Variants in MEI1 observed in about 807,000 individuals in gnomAD.
MEI1 encodes the protein meiotic double-stranded break formation protein 1, also known as meiosis inhibitor protein 1.
In MEI1, 103 loss-of-function variants were observed where a neutral mutation model predicts 146.2. The observed-to-expected ratio is 0.70, with a 90% CI of 0.60 to 0.83. The LOEUF (loss-of-function observed/expected upper bound fraction) is 0.83, where lower values mean the gene tolerates loss of function less well. MEI1 is among the 40% of genes least tolerant of loss of function. The pLI is 0.00. For missense variants in MEI1, 1,529 were observed against 1,533.0 expected, an observed-to-expected ratio of 1.00 and a Z score of 0.04; for synonymous variants, 652 against 628.2, an observed-to-expected ratio of 1.04 and a Z score of -0.57.
chr22:41,780,867 A>G (rs9619994), intron 22 of MEI1, among the ~76,000 whole-genome samples: 21,030 of 152,168 alleles, frequency 0.14, 1,807 homozygotes, highest in Middle Eastern at 0.2. Context: ...TTACAGGCGT[A>G]AGCCACTGCG....
chr22:41,725,234 C>T (rs915388573), intron 7 of MEI1, among the ~76,000 whole-genome samples: 2 of 152,122 alleles, frequency 1.3e-5, no homozygotes, highest in Non-Finnish European at 2.9e-5. Context: ...GCCTCAGCCT[C>T]CTGAGTAGTT....
rs919571047 is a variant in MEI1, at chr22:41,776,371, A to G, written c.2710+104A>G. The G allele has an allele frequency of 3.1e-6, 4 of 1,308,244 alleles. No individual in the cohort carries two copies. In the African/African-American group the frequency reaches 4.4e-5, roughly 14 times the overall value. 81.0% of individuals were successfully genotyped at this position (1,308,244 alleles called of 1,614,324 possible). On this transcript the variant is annotated intron_variant, in intron 21 of 30. Transcript: ENST00000401548. ...CTCCAGGAGAGAGAATCAGGGTTTTATCTGAAAAAGAAAGCCAGGCCATTG... is the reference window on the plus strand; with the variant it reads ...CTCCAGGAGAGAGAATCAGGGTTTTGTCTGAAAAAGAAAGCCAGGCCATTG...
intron 7 of MEI1, 72 bp downstream of exon 7, chr22:41,724,145 T>G (rs2071109058): frequency 6.4e-7 from 1 of 1,553,482 alleles, no homozygotes; most frequent in Non-Finnish European, 8.8e-7. Flanking sequence ...GGCCTTGTCT[T>G]CATCTACCAC....
intron 26 of MEI1, among the ~76,000 whole-genome samples, chr22:41,785,642 C>T (rs2075942140): frequency 6.6e-6 from 1 of 151,752 alleles, no homozygotes; most frequent in Non-Finnish European, 1.5e-5. Flanking sequence ...TGGCTCACTG[C>T]AACCTCCGCC....
chr22:41,798,437 G>C (rs984875928), intron 30 of MEI1, among the ~76,000 whole-genome samples: 4 of 152,000 alleles, frequency 2.6e-5, no homozygotes, highest in African/African-American at 9.7e-5. Context: ...AATTAGCTGG[G>C]CGTGGTAGCA....
intron 14 of MEI1, among the ~76,000 whole-genome samples, chr22:41,747,741 A>T (rs943538887): frequency 6.0e-5 from 9 of 149,364 alleles, no homozygotes; most frequent in Non-Finnish European, 7.4e-5. Context: ...CCCCCCAAAA[A>T]AAACAAATAT....
intron 20 of MEI1, chr22:41,774,204 G>A (rs2075328299): frequency 6.6e-6 from 1 of 152,258 alleles, no homozygotes; most frequent in African/African-American, 2.4e-5. Flanking sequence ...AGAGACTACA[G>A]ATTGGGTCAT....
Position 41,781,290 on chromosome 22 carries a change from A to G in MEI1, c.2822A>G (p.Lys941Arg). The change falls in exon 23 of 31, where the codon AAG becomes AGG. Residue 941 changes from lysine (K) to arginine (R), a missense_variant. By Grantham distance (26) the Lys-to-Arg change is conservative. This residue lies in a region of MEI1 where 1,212 missense variants were observed against 1,178.9 expected (regional missense o/e 1.03). Transcript: ENST00000401548. ...GGACTTTCATCTCTTGCAGTAAGCA[A>G]GCTGTGTGGGAAGTGCAGCCCCACT... ...VAMKLLHQVS[K>R]LCGKCSPTDV... 1 of 1,610,982 alleles carries G rather than the reference A, an allele frequency of 6.2e-7. No homozygotes were observed. The highest frequency in any genetic ancestry group is 8.5e-7 in the Non-Finnish European group (1 of 1,178,706).
intron 24 of MEI1, among the ~76,000 whole-genome samples, chr22:41,784,029 A>T (rs2075859506): frequency 6.6e-6 from 1 of 152,092 alleles, no homozygotes; most frequent in African/African-American, 2.4e-5. Flanking sequence ...AGATCTTCTG[A>T]GTTAGGTGTA....
intron 7 of MEI1, among the ~76,000 whole-genome samples, chr22:41,728,209 C>A (rs193261484): frequency 2.9e-4 from 44 of 152,148 alleles, no homozygotes; most frequent in Non-Finnish European, 5.0e-4. Flanking sequence ...GTTCAAGGGT[C>A]AACTGTTCAT....
chr22:41,731,368 A>G (rs140875582), intron 9 of MEI1, among the ~76,000 whole-genome samples: 8,091 of 149,832 alleles, frequency 0.054, 676 homozygotes, highest in African/African-American at 0.19. Flanking sequence ...TCTTTTTTTG[A>G]GACGGAGTCC....
chr22:41,719,929 A>C (rs747070856), intron 6 of MEI1, among the ~76,000 whole-genome samples: 1 of 152,156 alleles, frequency 6.6e-6, no homozygotes, highest in Non-Finnish European at 1.5e-5. Context: ...CTTCTTTTCA[A>C]AATTTGGATC....
chr22:41,722,968 C>A (rs559709140), intron 6 of MEI1, among the ~76,000 whole-genome samples: 47 of 152,142 alleles, frequency 3.1e-4, no homozygotes, highest in African/African-American at 1.1e-3. Context: ...AATTTCTGGA[C>A]TTTTTTTTCC....
intron 20 of MEI1, 84 bp downstream of exon 20, chr22:41,771,045 C>T: frequency 1.4e-6 from 2 of 1,454,444 alleles, no homozygotes; most frequent in Non-Finnish European, 1.9e-6. Flanking sequence ...TCAGGAGGCA[C>T]CCACATCTGC....
At chr22:41,699,989 C>A (rs544190066) in intron 1 of MEI1, among the ~76,000 whole-genome samples, 8 of 152,368 alleles carry the variant, frequency 5.3e-5, no homozygotes, top group African/African-American at 1.9e-4. Flanking sequence ...CTCACCCAGT[C>A]TCAGGGACAC....
At chr22:41,760,951 C>T (rs970124280) in intron 18 of MEI1, among the ~76,000 whole-genome samples, 1 of 139,592 alleles carries the variant, frequency 7.2e-6, no homozygotes, top group Non-Finnish European at 1.5e-5. Flanking sequence ...GCTTTGATTT[C>T]ACTTCTTTGT....
At chr22:41,752,789 C>A in intron 16 of MEI1, 138 bp downstream of exon 16, 1 of 758,956 alleles carries the variant, frequency 1.3e-6, no homozygotes, top group South Asian at 1.5e-5. Flanking sequence ...TGCTCAGCAT[C>A]TGGTGCAATA....
intron 20 of MEI1, among the ~76,000 whole-genome samples, chr22:41,772,845 C>T (rs2075259795): frequency 6.6e-6 from 1 of 152,110 alleles, no homozygotes; most frequent in Admixed American, 6.5e-5. Context: ...AATCCCTGCA[C>T]CACCCCTGAC....
intron 3 of MEI1, among the ~76,000 whole-genome samples, chr22:41,711,183 CT>C (rs929765806): frequency 1.3e-5 from 2 of 149,910 alleles, no homozygotes; most frequent in African/African-American, 2.5e-5. Flanking sequence ...CTTTTTTTTT[CT>C]TTTTTTTTGA....
Sources: gnomAD v4.1 joint callset for allele counts (sites outside exome capture counted in the v4.1 genomes callset) on GRCh38, gnomAD v4.1.1 for gene constraint, gnomAD v4.1.1 regional missense constraint, MANE v1.5 for transcripts, NCBI Gene and HGNC (gene_info 2026-07-23, HGNC 2026-07-21) for gene names.